TACC2: variants seen among roughly 807,000 people sequenced by gnomAD.
The protein encoded by TACC2 is transforming acidic coiled-coil-containing protein 2.
A neutral mutation model predicts 227.3 loss-of-function variants in TACC2; 137 were observed. That is an observed-to-expected ratio of 0.60 (90% CI 0.52 to 0.69). The LOEUF is 0.69. Ranked by LOEUF, TACC2 falls within the 30% of genes least tolerant of loss-of-function variation. The pLI, the probability that TACC2 is intolerant of heterozygous loss-of-function variation, is 0.00. For missense variants in TACC2, 3,470 were observed against 3,694.4 expected (o/e 0.94, Z 1.57); for synonymous variants, 1,523 against 1,487.5 (o/e 1.02, Z -0.55).
At chr10:122,001,624 A>G (rs1954356254) in intron 1 of TACC2, among the ~76,000 whole-genome samples, 1 of 152,238 alleles carries the variant, frequency 6.6e-6, no homozygotes, top group African/African-American at 2.4e-5. Flanking sequence ...ATAAATAATT[A>G]CGTAATATTA....
At chr10:122,138,177 G>A (rs1474416984) in intron 6 of TACC2, among the ~76,000 whole-genome samples, 3 of 151,880 alleles carry the variant, frequency 2.0e-5, no homozygotes, top group African/African-American at 4.8e-5. Flanking sequence ...ACCTCACAAA[G>A]GTTAGTTGAA....
intron 7 of TACC2, among the ~76,000 whole-genome samples, chr10:122,179,822 G>A (rs2093903133): frequency 6.6e-6 from 1 of 152,136 alleles, no homozygotes; most frequent in South Asian, 2.1e-4. Flanking sequence ...GCTTACACCT[G>A]TAGTCCCAGT....
intron 8 of TACC2, among the ~76,000 whole-genome samples, chr10:122,203,782 T>A (rs866240317): frequency 2.0e-5 from 3 of 151,982 alleles, no homozygotes; most frequent in East Asian, 1.9e-4. Flanking sequence ...CTGCAATCTC[T>A]GCACTTTGGG....
chr10:122,043,581 TTTCTTC>T (rs2074618776), intron 2 of TACC2, among the ~76,000 whole-genome samples: 1 of 150,478 alleles, frequency 6.6e-6, no homozygotes, highest in South Asian at 2.1e-4. Context: ...TCTTTCTTCC[TTTCTTC>T]CTTTCTTTCT....
chr10:122,075,200 A>AAAAGAAAG (rs1554997869), intron 3 of TACC2, among the ~76,000 whole-genome samples: 4 of 122,332 alleles, frequency 3.3e-5, no homozygotes, highest in African/African-American at 8.4e-5. Flanking sequence ...AAAAAAAAAA[A>AAAAGAAAG]AAAGAAAGAA....
At chr10:122,099,018 C>T (rs1004440584) in intron 5 of TACC2, among the ~76,000 whole-genome samples, 6 of 152,184 alleles carry the variant, frequency 3.9e-5, no homozygotes, top group African/African-American at 1.4e-4. Context: ...TGCAAGCTAA[C>T]ATTAGTGGGT....
intron 1 of TACC2, among the ~76,000 whole-genome samples, chr10:122,002,845 C>T (rs976671892): frequency 6.6e-6 from 1 of 152,112 alleles, no homozygotes; most frequent in African/African-American, 2.4e-5. Flanking sequence ...TGTGTTTGTG[C>T]TTTCTCCCTT....
chr10:122,135,506 A>C (rs1457056039), intron 6 of TACC2, among the ~76,000 whole-genome samples: 1 of 152,192 alleles, frequency 6.6e-6, no homozygotes, highest in East Asian at 1.9e-4. Flanking sequence ...GGAATGAGCA[A>C]TTTTGGTGCC....
Position 122,051,765 on chromosome 10 carries a change from CTTTTTTTTT to C in TACC2, c.146+1234_146+1242del, listed in dbSNP as rs56185263. 2.6e-3 allele frequency: 322 copies of C among 122,462 alleles called. 2 individuals are homozygous for C. Among genetic ancestry groups the C allele is most frequent in the African/African-American group, 0.01 (309 of 30,016 alleles). The allele number at this position is 122,462 out of a possible 1,614,324, so 7.6% of individuals were successfully genotyped here. A position where few individuals can be genotyped will look rare whatever the true frequency, so the allele number is the denominator to read the frequency against. On this transcript the variant is annotated intron_variant, in intron 3 of 22. Transcript: ENST00000369005. ...TGCAAAACCTTGAGACTCAAAGTGA[CTTTTTTTTT>C]TTTTTTTTTTTTTTTTTTGCTTTGG...
intron 1 of TACC2, among the ~76,000 whole-genome samples, chr10:121,996,658 T>C (rs986279740): frequency 6.6e-6 from 1 of 152,102 alleles, no homozygotes; most frequent in Admixed American, 6.6e-5. Context: ...AGGTGTAGAA[T>C]GACCACAGTG....
At position 122,022,024 on chromosome 10, in the gene TACC2, A is replaced by G. The variant is rs1468880495; in HGVS notation, c.33+10A>G. ...CACCTCGGACAACCAGGTGGGTGTC[A>G]GGAAGCTTCTCTCTCGAGCTACGTG... On this transcript the variant is annotated intron_variant, in intron 2 of 22. Coordinates refer to ENST00000369005, the MANE Select transcript of TACC2 (RefSeq NM_206862.4). The G allele has an allele frequency of 6.2e-7, 1 of 1,614,156 alleles. No individual in the cohort carries two copies. Among genetic ancestry groups the G allele is most frequent in the South Asian group, 1.1e-5 (1 of 91,088 alleles).
chr10:122,130,825 C>T (rs764906810), intron 5 of TACC2, among the ~76,000 whole-genome samples: 6 of 152,058 alleles, frequency 3.9e-5, no homozygotes, highest in Middle Eastern at 3.4e-3. Flanking sequence ...GCACTTAGAA[C>T]AGTTCCTGGC....
intron 1 of TACC2, among the ~76,000 whole-genome samples, chr10:121,999,154 G>A (rs1434178798): frequency 2.6e-5 from 4 of 151,874 alleles, no homozygotes; most frequent in African/African-American, 7.3e-5. Context: ...GACTACAGGC[G>A]TGCACCACCA....
chr10:122,237,649 A>G lies in TACC2; in HGVS notation c.8271+111A>G, dbSNP rs971218195. ...ACAGACTTTGTCCTCTGAACGCTGC[A>G]GGCAAAGATGTGTGGCACACCATGC... On this transcript the variant is annotated intron_variant, in intron 17 of 22. Coordinates refer to ENST00000369005, the MANE Select transcript of TACC2 (RefSeq NM_206862.4). The G allele has an allele frequency of 2.1e-5, 28 of 1,339,880 alleles. 1 individual carries two copies. The Admixed American group carries it at 6.1e-4, about 29-fold the overall frequency. 83.0% of individuals were successfully genotyped at this position (1,339,880 alleles called of 1,614,324 possible). A position where few individuals can be genotyped will look rare whatever the true frequency, so the allele number is the denominator to read the frequency against.
chr10:122,186,762 C>T (rs914761224), intron 7 of TACC2, among the ~76,000 whole-genome samples: 1 of 152,188 alleles, frequency 6.6e-6, no homozygotes, highest in South Asian at 2.1e-4. Flanking sequence ...ATCTGCCCAC[C>T]GTGGCCTCCC....
chr10:122,061,995 A>G lies in TACC2; in HGVS notation c.146+11445A>G, dbSNP rs554155133. 7.9e-4 allele frequency among the ~76,000 whole-genome samples: 118 copies of G among 148,932 alleles called. 1 individual carries two copies. The highest frequency in any genetic ancestry group is 9.5e-4 in the Non-Finnish European group (64 of 67,406). ...GGAAACAGAATTTTAGAAGGACTAG[A>G]CACATAAACTTTAGGACATGTCAGA... is the stretch of plus-strand genomic sequence containing the variant. On this transcript the variant is annotated intron_variant, in intron 3 of 22. Coordinates refer to ENST00000369005, the MANE Select transcript of TACC2 (RefSeq NM_206862.4).
At chr10:122,039,250 A>G (rs1016186992) in intron 2 of TACC2, among the ~76,000 whole-genome samples, 31 of 152,290 alleles carry the variant, frequency 2.0e-4, no homozygotes, top group African/African-American at 5.8e-4. Context: ...TACTGGGATT[A>G]CAGGTGTGAG....
chr10:122,091,310 AAAT>A (rs1475384423), intron 5 of TACC2, among the ~76,000 whole-genome samples: 15 of 152,322 alleles, frequency 9.8e-5, no homozygotes, highest in Middle Eastern at 6.8e-3. Context: ...ATTATATGCA[AAAT>A]AATAATATTT....
intron 3 of TACC2, among the ~76,000 whole-genome samples, chr10:122,066,953 C>T (rs2136585414): frequency 6.6e-6 from 1 of 152,284 alleles, no homozygotes; most frequent in East Asian, 1.9e-4. Context: ...AAGAGGCTTA[C>T]AACAATATGC....
Sources: allele counts gnomAD v4.1 joint callset (sites outside exome capture counted in the v4.1 genomes callset), GRCh38; gene constraint gnomAD v4.1.1; transcripts MANE v1.5; gene names NCBI Gene and HGNC (gene_info 2026-07-23, HGNC 2026-07-21).